Variants in NRXN1 observed in about 807,000 individuals in gnomAD.
NRXN1 encodes the protein neurexin 1.
In NRXN1, 39 loss-of-function variants were observed where a neutral mutation model predicts 150.9. The observed-to-expected ratio is 0.26, with a 90% confidence interval of 0.20 to 0.34. The LOEUF is 0.34. Ranked by LOEUF, NRXN1 falls within the 10% of genes least tolerant of loss-of-function variation. NRXN1 has a pLI of 1.00. For synonymous variants in NRXN1, 924 were observed against 757.0 expected (o/e 1.22, Z -3.62); for missense variants, 1,815 against 1,949.9 (o/e 0.93, Z 1.30).
At chr2:50,754,663 G>A (rs1174533753) in intron 5 of NRXN1, among the ~76,000 whole-genome samples, 1 of 151,658 alleles carries the variant, frequency 6.6e-6, no homozygotes, top group Admixed American at 6.6e-5. Context: ...AGTCCACTCT[G>A]CCGAAAGCTT....
chr2:50,232,493 T>TCTC (rs2065040581), intron 18 of NRXN1, among the ~76,000 whole-genome samples: 1 of 151,054 alleles, frequency 6.6e-6, no homozygotes, highest in Non-Finnish European at 1.5e-5. Context: ...TTCAAACGAT[T>TCTC]CTCCTGCCCC....
chr2:50,642,645 G>C (rs542747584), intron 5 of NRXN1, among the ~76,000 whole-genome samples: 4 of 152,088 alleles, frequency 2.6e-5, no homozygotes, highest in Admixed American at 2.6e-4. Flanking sequence ...CATGGATTTA[G>C]GGACAATTGC....
At chr2:50,777,624 C>T (rs938456237) in intron 5 of NRXN1, among the ~76,000 whole-genome samples, 3 of 152,152 alleles carry the variant, frequency 2.0e-5, no homozygotes, top group East Asian at 3.9e-4. Context: ...TTAAGTAATA[C>T]CAGGAGAGTA....
intron 21 of NRXN1, among the ~76,000 whole-genome samples, chr2:49,991,011 G>C (rs1681843107): frequency 6.6e-6 from 1 of 151,942 alleles, no homozygotes; most frequent in Non-Finnish European, 1.5e-5. Flanking sequence ...CCTACATATA[G>C]AGTAAATAAT....
chr2:50,953,882 C>T (rs1002993284), intron 2 of NRXN1, among the ~76,000 whole-genome samples: 1 of 152,088 alleles, frequency 6.6e-6, no homozygotes, highest in African/African-American at 2.4e-5. Flanking sequence ...ATATGAGTCA[C>T]ACCAATTGTC....
At chr2:50,406,892 G>A (rs2082785048) in intron 17 of NRXN1, among the ~76,000 whole-genome samples, 2 of 150,636 alleles carry the variant, frequency 1.3e-5, no homozygotes, top group Admixed American at 1.3e-4. Context: ...TTTTCATAGT[G>A]AATCTTTAAA....
chr2:50,015,885 G>T (rs1289923898), intron 21 of NRXN1, among the ~76,000 whole-genome samples: 2 of 152,054 alleles, frequency 1.3e-5, no homozygotes, highest in African/African-American at 4.8e-5. Context: ...CTATCTTGCA[G>T]GATTTTGTGA....
At chr2:50,235,509 G>T (rs1277864027) in intron 18 of NRXN1, among the ~76,000 whole-genome samples, 2 of 152,056 alleles carry the variant, frequency 1.3e-5, no homozygotes, top group Non-Finnish European at 2.9e-5. Flanking sequence ...CAGCTTATTG[G>T]AAATTCCAGA....
rs1023923750 is a variant in NRXN1 at position 50,219,749 on chromosome 2, A to T, written c.3546+17040T>A. ...AAAAAATTCAAAAAATTAGTTGGGC[A>T]TGGTGGCACATGCCTGCAGTCCCAG... On this transcript the variant is annotated intron_variant, in intron 18 of 22. Transcript: ENST00000401669. Among the ~76,000 whole-genome samples, 4 of 149,542 alleles carry T rather than the reference A, an allele frequency of 2.7e-5. No individual in the cohort carries two copies. The Admixed American group carries it at 2.7e-4, about 10-fold the overall frequency.
At chr2:50,621,952 G>T (rs558753236) in intron 6 of NRXN1, among the ~76,000 whole-genome samples, 15 of 152,238 alleles carry the variant, frequency 9.9e-5, no homozygotes, top group Non-Finnish European at 2.1e-4. Context: ...TGTAACCTGA[G>T]CAAAGGCAAA....
At chr2:49,961,679 A>C (rs1246203465) in intron 21 of NRXN1, among the ~76,000 whole-genome samples, 5 of 152,156 alleles carry the variant, frequency 3.3e-5, no homozygotes, top group African/African-American at 1.2e-4. Flanking sequence ...ATAGGTCTTT[A>C]CATCTCTAAT....
intron 2 of NRXN1, among the ~76,000 whole-genome samples, chr2:50,982,029 C>T (rs761390419): frequency 3.9e-5 from 6 of 152,012 alleles, no homozygotes; most frequent in South Asian, 2.1e-4. Flanking sequence ...TCCAAAAGAA[C>T]ATCTGAGCTT....
Position 50,461,905 on chromosome 2 carries a change from A to G in NRXN1, c.3364+3537T>C, listed in dbSNP as rs1389635987. The stretch of plus-strand genomic sequence containing the variant: ...GCATTTTCCAGGTGGGGAAATTAGC[A>G]TAAGCAATGGTGAGGAAATTGGAAA... On this transcript the variant is annotated intron_variant, in intron 17 of 22. Transcript: ENST00000401669. 2.0e-5 allele frequency among the ~76,000 whole-genome samples: 3 copies of G among 151,976 alleles called. No individual in the cohort carries two copies. The East Asian group carries it at 5.8e-4, about 29-fold the overall frequency.
At chr2:50,376,778 GA>G (rs1405189438) in intron 17 of NRXN1, among the ~76,000 whole-genome samples, 22 of 152,128 alleles carry the variant, frequency 1.4e-4, no homozygotes, top group Admixed American at 7.9e-4. Context: ...AAGAATCACA[GA>G]TTTAGAGTTG....
chr2:50,211,360 T>C (rs2063000623), intron 18 of NRXN1, among the ~76,000 whole-genome samples: 2 of 151,630 alleles, frequency 1.3e-5, no homozygotes, highest in Admixed American at 1.3e-4. Flanking sequence ...AATAGAACAT[T>C]GAAAATAAGA....
At chr2:50,707,749 C>A (rs940470056) in intron 5 of NRXN1, among the ~76,000 whole-genome samples, 10 of 152,058 alleles carry the variant, frequency 6.6e-5, no homozygotes, top group Non-Finnish European at 1.2e-4. Context: ...GGTACTCATA[C>A]GGAAGAGCAT....
intron 5 of NRXN1, among the ~76,000 whole-genome samples, chr2:50,901,465 A>AGG (rs1284118017): frequency 4.6e-5 from 7 of 152,132 alleles, no homozygotes; most frequent in Non-Finnish European, 8.8e-5. Context: ...TCAACCTAGG[A>AGG]GGTAGAACTT....
intron 5 of NRXN1, among the ~76,000 whole-genome samples, chr2:50,906,217 C>T (rs899757419): frequency 5.3e-5 from 8 of 152,062 alleles, no homozygotes; most frequent in South Asian, 4.1e-4. Context: ...GAATTACATA[C>T]GAGGAGAAAA....
At chr2:50,687,023 G>A (rs1691332097) in intron 5 of NRXN1, among the ~76,000 whole-genome samples, 1 of 152,088 alleles carries the variant, frequency 6.6e-6, no homozygotes, top group Non-Finnish European at 1.5e-5. Context: ...CTCAACTTAG[G>A]ACTCAAAGTG....
Sources: allele counts gnomAD v4.1 joint callset (sites outside exome capture counted in the v4.1 genomes callset), GRCh38; gene constraint gnomAD v4.1.1; transcripts MANE v1.5; gene names NCBI Gene and HGNC (gene_info 2026-07-23, HGNC 2026-07-21).